Variants in SPON1 observed in about 807,000 individuals in gnomAD.
SPON1 encodes the protein spondin-1.
A neutral mutation model predicts 111.7 loss-of-function variants in SPON1; 52 were observed. That is an observed-to-expected ratio of 0.47 (90% CI 0.37 to 0.59). The LOEUF (loss-of-function observed/expected upper bound fraction) is 0.59. Ranked by LOEUF, SPON1 falls within the 20% of genes least tolerant of loss-of-function variation. The pLI is 0.00. For missense variants in SPON1, 957 were observed against 1,068.5 expected, an observed-to-expected ratio of 0.90 and a Z score of 1.46; for synonymous variants, 410 against 395.8, an observed-to-expected ratio of 1.04 and a Z score of -0.43.
rs535645637 is a variant in SPON1, at chr11:14,051,293, G to A, written c.479+9639G>A. 2.0e-4 allele frequency among the ~76,000 whole-genome samples: 30 copies of A among 152,302 alleles called. No individual in the cohort carries two copies. The South Asian group carries it at 6.0e-3, about 30-fold the overall frequency. On this transcript the variant is annotated intron_variant, in intron 3 of 15. Transcript: ENST00000576479. ...CTCACACCTGTAGTCCCAACACTTT[G>A]AGAAGCCAAGGTGGGAGGATCGTTT... is the stretch of plus-strand genomic sequence containing the variant.
intron 6 of SPON1, among the ~76,000 whole-genome samples, chr11:14,189,827 AC>A (rs1848325934): frequency 6.6e-6 from 1 of 152,212 alleles, no homozygotes; most frequent in Non-Finnish European, 1.5e-5. Context: ...TCAAGAGAAG[AC>A]TAAAATGTTA....
At chr11:14,174,406 A>C (rs1457980096) in intron 6 of SPON1, among the ~76,000 whole-genome samples, 1 of 152,210 alleles carries the variant, frequency 6.6e-6, no homozygotes, top group Non-Finnish European at 1.5e-5. Flanking sequence ...TTTCCTACCT[A>C]GTTATAATGT....
chr11:14,260,670 G>A lies in SPON1; in HGVS notation c.1914G>A (p.Gln638=), dbSNP rs373343915. ...VTCGKGMRTR[Q]RMLKSLAELG... ...GCGGGAAGGGCATGCGAACCCGACA[G>A]CGGATGCTCAAGTCTCTGGCAGAAC... is the stretch of plus-strand genomic sequence containing the variant. The change falls in exon 14 of 16, where the codon CAG becomes CAA. Residue 638 remains glutamine (Q), a synonymous_variant. Coordinates refer to ENST00000576479, the MANE Select transcript of SPON1 (RefSeq NM_006108.4). The A allele has an allele frequency of 1.9e-6, 3 of 1,614,006 alleles. No individual in the cohort carries two copies. The highest frequency in any genetic ancestry group is 1.6e-4 in the Middle Eastern group (1 of 6,062).
chr11:14,135,545 A>G lies in SPON1; in HGVS notation c.802A>G (p.Met268Val), dbSNP rs1847581929. The change falls in exon 6 of 16, where the codon ATG becomes GTG. Residue 268 changes from methionine to valine, a missense_variant. Met to Val is a conservative substitution (Grantham distance 21). Around this residue, in one of 5 missense-constraint regions of SPON1, gnomAD observed 122 missense variants for 143.2 expected, o/e 0.85. Transcript: ENST00000576479. The surrounding 1 kb of genome is among the most constrained non-coding windows in gnomAD (Gnocchi z 4.4). The part of the protein sequence containing the change: ...QVAELGSPVK[M>V]EEEIRQQSDE... ...TGCAGAATTGGGCTCACCCGTGAAA[A>G]TGGAGGAAGAAATTCGACAACAGGT... 6.2e-7 allele frequency: 1 copy of G among 1,613,540 alleles called. No homozygotes were observed. Among genetic ancestry groups the G allele is most frequent in the Non-Finnish European group, 8.5e-7 (1 of 1,179,662 alleles).
At chr11:14,246,031 G>A (rs1848985430) in intron 7 of SPON1, among the ~76,000 whole-genome samples, 1 of 152,166 alleles carries the variant, frequency 6.6e-6, no homozygotes, top group African/African-American at 2.4e-5. Context: ...CAGTTCCTTG[G>A]CTCCCAGAAC....
intron 6 of SPON1, among the ~76,000 whole-genome samples, chr11:14,213,246 A>G (rs1441878441): frequency 4.6e-5 from 7 of 152,210 alleles, no homozygotes; most frequent in South Asian, 2.1e-4. Flanking sequence ...AATAGGAGAG[A>G]CACTGTAGAA....
chr11:14,076,055 C>T (rs1848915222), intron 4 of SPON1, among the ~76,000 whole-genome samples: 1 of 152,122 alleles, frequency 6.6e-6, no homozygotes, highest in African/African-American at 2.4e-5. Context: ...CCCTTCTAGC[C>T]ATGTGACTTA....
At chr11:14,252,340 A>G (rs1489403969) in intron 7 of SPON1, among the ~76,000 whole-genome samples, 2 of 149,984 alleles carry the variant, frequency 1.3e-5, no homozygotes, top group Non-Finnish European at 3.0e-5. Context: ...ATCCAGCGCT[A>G]TGTATCTGCC....
chr11:13,984,504 G>C (rs1473638324), intron 2 of SPON1, among the ~76,000 whole-genome samples: 6 of 152,124 alleles, frequency 3.9e-5, no homozygotes, highest in African/African-American at 1.4e-4. Context: ...GAGAGCAAGA[G>C]GGGTCCAAAC....
chr11:14,124,408 G>T (rs782283624), intron 5 of SPON1, among the ~76,000 whole-genome samples: 2 of 152,134 alleles, frequency 1.3e-5, no homozygotes, highest in Non-Finnish European at 2.9e-5. Context: ...TGGGTTAAGT[G>T]CCCCCTTATT....
intron 14 of SPON1, 30 bp downstream of exon 14, chr11:14,260,782 A>G (rs1554941840): frequency 3.7e-6 from 6 of 1,600,830 alleles, no homozygotes; most frequent in Non-Finnish European, 5.1e-6. Flanking sequence ...AAGGCCCATC[A>G]CTTCTATGTT....
chr11:14,133,295 A>G (rs1554927721), intron 5 of SPON1, among the ~76,000 whole-genome samples: 2 of 152,220 alleles, frequency 1.3e-5, no homozygotes. Context: ...AGCACTAACA[A>G]CACACTAGGC....
chr11:14,105,947 G>A (rs1528654), intron 5 of SPON1, among the ~76,000 whole-genome samples: 62,899 of 151,942 alleles, frequency 0.41, 13,113 homozygotes, highest in Admixed American at 0.47. Flanking sequence ...CCACTGAGAG[G>A]GGTAAGTTAA....
chr11:14,100,103 A>G (rs1849131615), intron 5 of SPON1, among the ~76,000 whole-genome samples: 1 of 151,686 alleles, frequency 6.6e-6, no homozygotes, highest in African/African-American at 2.4e-5. Flanking sequence ...TCAGTAAAAG[A>G]GTGTGTTATA....
intron 3 of SPON1, among the ~76,000 whole-genome samples, chr11:14,050,970 A>C (rs1554918505): frequency 1.3e-5 from 2 of 152,210 alleles, no homozygotes; most frequent in Non-Finnish European, 2.9e-5. Flanking sequence ...CCATGCAGGC[A>C]AGACGTGCAT....
chr11:14,232,488 T>C (rs1477405005), intron 6 of SPON1, among the ~76,000 whole-genome samples: 1 of 152,156 alleles, frequency 6.6e-6, no homozygotes, highest in Non-Finnish European at 1.5e-5. Context: ...CCAGAGCACC[T>C]GCAGATAACC....
intron 7 of SPON1, among the ~76,000 whole-genome samples, chr11:14,252,034 T>C (rs1448435636): frequency 1.1e-4 from 16 of 152,244 alleles, no homozygotes; most frequent in African/African-American, 3.9e-4. Context: ...TATTGCTAGA[T>C]GAAGATATTG....
chr11:14,232,768 G>A lies in SPON1; in HGVS notation c.826-10564G>A, dbSNP rs552573520. Among the ~76,000 whole-genome samples the A allele has an allele frequency of 1.4e-4, 22 of 152,188 alleles. No individual in the cohort carries two copies. The East Asian group carries it at 2.1e-3, about 15-fold the overall frequency. On this transcript the variant is annotated intron_variant, in intron 6 of 15. Coordinates refer to ENST00000576479, the MANE Select transcript of SPON1 (RefSeq NM_006108.4). ...TGCCATTTTTCTCAACTCCACAGCC[G>A]ACTTCTCAAAAAGCGCTGTCTGGGC... is the stretch of plus-strand genomic sequence containing the variant.
chr11:14,255,372 A>T (rs782612057), intron 8 of SPON1, among the ~76,000 whole-genome samples: 12 of 152,182 alleles, frequency 7.9e-5, no homozygotes, highest in Non-Finnish European at 1.5e-4. Flanking sequence ...ATTCAGGCCA[A>T]CCTGGCTCAG....
Sources: allele counts gnomAD v4.1 joint callset (sites outside exome capture counted in the v4.1 genomes callset), GRCh38; gene constraint gnomAD v4.1.1; regional missense constraint gnomAD v4.1.1; non-coding constraint Gnocchi (gnomAD v3.1); transcripts MANE v1.5; gene names NCBI Gene and HGNC (gene_info 2026-07-23, HGNC 2026-07-21).